Variants in STK24 observed in about 807,000 individuals in gnomAD.
The protein encoded by STK24 is serine/threonine-protein kinase 24.
STK24 carries 21 observed loss-of-function variants against 55.6 expected under a neutral mutation model. That is an observed-to-expected ratio of 0.38 (90% confidence interval 0.27 to 0.54). The LOEUF (loss-of-function observed/expected upper bound fraction) is 0.54. Ranked by LOEUF, STK24 falls within the 20% of genes least tolerant of loss-of-function variation. The pLI, the probability that STK24 is intolerant of heterozygous loss-of-function variation, is 0.79. For synonymous variants in STK24, 200 were observed against 215.2 expected (o/e 0.93, Z 0.62); for missense variants, 383 against 538.4 (o/e 0.71, Z 2.86).
At chr13:98,535,376 T>C (rs1481210261) in intron 1 of STK24, among the ~76,000 whole-genome samples, 1 of 130,888 alleles carries the variant, frequency 7.6e-6, no homozygotes, top group African/African-American at 3.6e-5. Context: ...AAAAAATATA[T>C]ATATATATAT....
rs1893496617 is a variant in STK24, at chr13:98,457,144, C to T, written c.1259+24G>A. 3 of 1,604,428 alleles carry T rather than the reference C, an allele frequency of 1.9e-6. No homozygotes were observed. In the African/African-American group the frequency reaches 4.0e-5, roughly 21 times the overall value. ...CAAGTGCAGGTCTCTCCTTCCCCAG[C>T]CCAGAGGGGCCCTGGGTAGTTACCT... On this transcript the variant is annotated intron_variant, in intron 10 of 10. Coordinates refer to ENST00000539966, the MANE Select transcript of STK24 (RefSeq NM_001032296.4).
chr13:98,576,022 T>C, intron 1 of STK24: 1 of 985,100 alleles, frequency 1.0e-6, no homozygotes, highest in Non-Finnish European at 1.2e-6. Flanking sequence ...GGGCGAAGAA[T>C]TCCTGTAAAT....
rs1192303079 is a variant in STK24, at chr13:98,456,396, T to A, written c.1259+772A>T. The A allele has an allele frequency of 1.3e-5, 6 of 449,686 alleles. 1 individual carries two copies. Among genetic ancestry groups the A allele is most frequent in the South Asian group, 6.4e-5 (4 of 62,678 alleles). 27.9% of individuals were successfully genotyped at this position (449,686 alleles called of 1,614,324 possible). ...AGCCTGGACACCTGAAGATGAACTG[T>A]CAAGGCAGCAGCACGCCTGGTCCTC... is the stretch of plus-strand genomic sequence containing the variant. On this transcript the variant is annotated intron_variant, in intron 10 of 10. Transcript: ENST00000539966.
At chr13:98,558,241 A>T (rs552548386) in intron 1 of STK24, among the ~76,000 whole-genome samples, 1 of 152,164 alleles carries the variant, frequency 6.6e-6, no homozygotes, top group Non-Finnish European at 1.5e-5. Context: ...CACCTATTAG[A>T]TATCTATTCA....
At chr13:98,519,169 G>T in intron 2 of STK24, 74 bp downstream of exon 2, 1 of 1,211,826 alleles carries the variant, frequency 8.3e-7, no homozygotes. Flanking sequence ...TGTCCTATCA[G>T]AGTCCTTCCC....
At chr13:98,567,586 A>G (rs1414932310) in intron 1 of STK24, among the ~76,000 whole-genome samples, 1 of 152,174 alleles carries the variant, frequency 6.6e-6, no homozygotes, top group African/African-American at 2.4e-5. Flanking sequence ...ACCAGTAGAG[A>G]GATGGAAAAA....
intron 2 of STK24, among the ~76,000 whole-genome samples, chr13:98,484,307 A>G (rs1279404529): frequency 6.6e-6 from 1 of 152,236 alleles, no homozygotes; most frequent in Non-Finnish European, 1.5e-5. Context: ...CTTTTCCCTA[A>G]GAGAGCTGGG....
intron 2 of STK24, among the ~76,000 whole-genome samples, chr13:98,487,223 T>A (rs148683168): frequency 8.1e-4 from 123 of 152,330 alleles, no homozygotes; most frequent in African/African-American, 2.9e-3. Context: ...ACCACTGTCC[T>A]CATAAAACCT....
At chr13:98,462,508 G>A (rs1893748868) in intron 7 of STK24, among the ~76,000 whole-genome samples, 1 of 151,972 alleles carries the variant, frequency 6.6e-6, no homozygotes. Flanking sequence ...GATGCCTGTG[G>A]CCCCATTAAG....
At chr13:98,483,826 A>T (rs1894697838) in intron 2 of STK24, among the ~76,000 whole-genome samples, 1 of 152,226 alleles carries the variant, frequency 6.6e-6, no homozygotes, top group Non-Finnish European at 1.5e-5. Flanking sequence ...TAACGGTAAG[A>T]TGCACTGCAT....
At chr13:98,469,990 G>A (rs1183015429) in intron 5 of STK24, among the ~76,000 whole-genome samples, 1 of 152,200 alleles carries the variant, frequency 6.6e-6, no homozygotes, top group Non-Finnish European at 1.5e-5. Context: ...TTCAACAGCA[G>A]CATTACTTAT....
At chr13:98,470,024 A>C (rs1396748321) in intron 5 of STK24, among the ~76,000 whole-genome samples, 2 of 152,250 alleles carry the variant, frequency 1.3e-5, no homozygotes, top group Non-Finnish European at 2.9e-5. Flanking sequence ...AGAATGATTA[A>C]GTTGCTATGG....
intron 8 of STK24, among the ~76,000 whole-genome samples, chr13:98,461,434 C>A (rs1290176142): frequency 1.3e-5 from 2 of 152,210 alleles, no homozygotes; most frequent in Admixed American, 6.5e-5. Context: ...ATGTAAGTAA[C>A]CGCAACATGC....
At chr13:98,542,105 C>T (rs1594655317) in intron 1 of STK24, among the ~76,000 whole-genome samples, 1 of 152,168 alleles carries the variant, frequency 6.6e-6, no homozygotes, top group Admixed American at 6.5e-5. Flanking sequence ...CTTATCCCGA[C>T]CTGAAGACAA....
At chr13:98,515,589 G>A (rs865995321) in intron 2 of STK24, among the ~76,000 whole-genome samples, 1 of 151,500 alleles carries the variant, frequency 6.6e-6, no homozygotes, top group Middle Eastern at 3.2e-3. Flanking sequence ...CAATCTTTAG[G>A]GGAAAAAAAA....
At chr13:98,527,898 G>A (rs1349819475) in intron 1 of STK24, among the ~76,000 whole-genome samples, 3 of 152,218 alleles carry the variant, frequency 2.0e-5, no homozygotes, top group Admixed American at 2.0e-4. Flanking sequence ...TGTGACTGCA[G>A]CCCCAGTTCA....
intron 2 of STK24, among the ~76,000 whole-genome samples, chr13:98,491,210 G>A (rs576696181): frequency 3.7e-4 from 56 of 152,312 alleles, no homozygotes; most frequent in South Asian, 1.2e-3. Context: ...ATCTCCCTGC[G>A]AGCAATGCCT....
Position 98,466,388 on chromosome 13 carries a change from C to T in STK24, c.771G>A (p.Lys257=), listed in dbSNP as rs1202659134. The T allele has an allele frequency of 6.2e-6, 10 of 1,612,230 alleles. No individual in the cohort carries two copies. Among genetic ancestry groups the T allele is most frequent in the Non-Finnish European group, 6.8e-6 (8 of 1,180,002 alleles). ...CTGGGAAACTTACAAAGCTCGGCTC[C>T]TTATTCAAACAGGCCTCCACAAACT... ...LKEFVEACLN[K]EPSFRPTAKE... Residue 257 remains lysine, a synonymous_variant, in exon 6 of 11, where the codon AAG becomes AAA. Transcript: ENST00000539966.
intron 1 of STK24, among the ~76,000 whole-genome samples, chr13:98,574,469 G>A (rs1324415505): frequency 6.6e-6 from 1 of 152,142 alleles, no homozygotes; most frequent in African/African-American, 2.4e-5. Flanking sequence ...CAACTCTTAG[G>A]GAAGCCTCCC....
Sources: gnomAD v4.1 joint callset for allele counts (sites outside exome capture counted in the v4.1 genomes callset) on GRCh38, gnomAD v4.1.1 for gene constraint, MANE v1.5 for transcripts, NCBI Gene and HGNC (gene_info 2026-07-23, HGNC 2026-07-21) for gene names.